NETO1: variants seen among roughly 807,000 people sequenced by gnomAD.
NETO1 encodes the protein neuropilin and tolloid like 1.
In NETO1, 26 loss-of-function variants were observed where a neutral mutation model predicts 61.3. The ratio of observed to expected loss-of-function variants is 0.42; its 90% CI spans 0.31 to 0.59. The LOEUF (loss-of-function observed/expected upper bound fraction) is 0.59, where lower values mean the gene tolerates loss of function less well. Among genes scored for constraint, NETO1 ranks in the 20% least tolerant of loss-of-function variants. The pLI, the probability that NETO1 is intolerant of heterozygous loss-of-function variation, is 0.12. For synonymous variants in NETO1, 225 were observed against 225.8 expected (o/e 1.00, Z 0.03); for missense variants, 531 against 662.8 (o/e 0.80, Z 2.18).
chr18:72,756,003 T>C, intron 8 of NETO1, 31 bp downstream of exon 8: 1 of 1,260,094 alleles, frequency 7.9e-7, no homozygotes, highest in East Asian at 2.3e-5. Flanking sequence ...AGGGAGGAAA[T>C]TTTTTTCAAA....
In NETO1 at chr18:72,745,570, T is replaced by C. The variant is rs1014301876; in HGVS notation, c.*2609A>G. 2 of 152,242 alleles carry C rather than the reference T, an allele frequency of 1.3e-5. No homozygotes were observed. Among genetic ancestry groups the C allele is most frequent in the South Asian group, 4.1e-4 (2 of 4,834 alleles). The allele number at this position is 152,242 out of a possible 1,614,324, so 9.4% of individuals were successfully genotyped here. On this transcript the variant is annotated 3_prime_UTR_variant, in exon 11 of 11. Coordinates refer to ENST00000327305, the MANE Select transcript of NETO1 (RefSeq NM_138966.5). ...TCATTTATTAAAATAACATGTCTTA[T>C]AAGTCTTGAGACATCTCATTCCTTA...
At chr18:72,813,119 G>A (rs1029254423) in intron 4 of NETO1, among the ~76,000 whole-genome samples, 8 of 152,148 alleles carry the variant, frequency 5.3e-5, no homozygotes, top group African/African-American at 1.7e-4. Flanking sequence ...CTCTACTGAA[G>A]GGGCTGTGGA....
intron 7 of NETO1, among the ~76,000 whole-genome samples, chr18:72,763,112 C>T (rs2000727): frequency 2.8e-4 from 42 of 151,318 alleles, no homozygotes; most frequent in South Asian, 8.3e-4. Context: ...GAATCCACTA[C>T]GCTTATTCTA....
chr18:72,821,251 A>AAAAAAAAAAAAAAAAAAAAAG (rs2073186851), intron 4 of NETO1, among the ~76,000 whole-genome samples: 1 of 150,806 alleles, frequency 6.6e-6, no homozygotes, highest in Non-Finnish European at 1.5e-5. Flanking sequence ...AAAAAAAAAA[A>AAAAAAAAAAAAAAAAAAAAAG]AAAAAATGGG....
rs1599168271 is a variant in NETO1, at chr18:72,783,691, T to C, written c.855A>G (p.Thr285=). The change falls in exon 7 of 11, where the codon ACA becomes ACG. Residue 285 remains threonine, a synonymous_variant. Coordinates refer to ENST00000327305, the MANE Select transcript of NETO1 (RefSeq NM_138966.5). ...SRNSRFQMLF[T]SFQEPPCEGN... ...AGAGAATCTTACGTTCTTGAAAGGA[T>C]GTGAAGAGCATCTGAAATCGGCTGT... The C allele has an allele frequency of 1.9e-6, 3 of 1,614,008 alleles. No individual in the cohort carries two copies. The highest frequency in any genetic ancestry group is 2.2e-5 in the East Asian group (1 of 44,894).
At chr18:72,837,886 C>A (rs1485434170) in intron 4 of NETO1, among the ~76,000 whole-genome samples, 2 of 151,782 alleles carry the variant, frequency 1.3e-5, no homozygotes, top group Non-Finnish European at 2.9e-5. Flanking sequence ...ATTCTCCCTC[C>A]CCATCACCAT....
intron 7 of NETO1, among the ~76,000 whole-genome samples, chr18:72,763,987 G>A (rs2071068412): frequency 6.6e-6 from 1 of 152,058 alleles, no homozygotes; most frequent in Non-Finnish European, 1.5e-5. Context: ...ATCAGCGAAG[G>A]GGGAAACCCC....
chr18:72,797,187 C>T (rs577587179), intron 4 of NETO1, among the ~76,000 whole-genome samples: 1 of 152,104 alleles, frequency 6.6e-6, no homozygotes, highest in East Asian at 1.9e-4. Context: ...GCCTTATGTG[C>T]CTGTTTCTAC....
chr18:72,805,380 C>T (rs940050686), intron 4 of NETO1, among the ~76,000 whole-genome samples: 3 of 152,108 alleles, frequency 2.0e-5, no homozygotes, highest in Admixed American at 6.5e-5. Flanking sequence ...AATATATCTA[C>T]GTGACTAAAA....
chr18:72,778,227 T>C (rs549980746), intron 7 of NETO1, among the ~76,000 whole-genome samples: 1 of 152,320 alleles, frequency 6.6e-6, no homozygotes, highest in Admixed American at 6.5e-5. Context: ...ATACCTTCAG[T>C]GTCATCCTTC....
intron 4 of NETO1, among the ~76,000 whole-genome samples, chr18:72,832,469 C>T (rs901592352): frequency 1.3e-5 from 2 of 152,146 alleles, no homozygotes; most frequent in Admixed American, 6.5e-5. Flanking sequence ...TCAGGAAAAA[C>T]CACTTCTAAA....
chr18:72,764,555 C>G (rs147460592), intron 7 of NETO1, among the ~76,000 whole-genome samples: 1 of 152,068 alleles, frequency 6.6e-6, no homozygotes, highest in African/African-American at 2.4e-5. Flanking sequence ...TCCTCTCTCT[C>G]GGCAATTTTC....
chr18:72,752,041 T>G (rs1463523598), intron 8 of NETO1: 1 of 152,050 alleles, frequency 6.6e-6, no homozygotes, highest in Admixed American at 6.6e-5. Context: ...GAATACCGAG[T>G]GCTGTATGCA....
intron 7 of NETO1, among the ~76,000 whole-genome samples, chr18:72,781,630 G>A (rs2071743325): frequency 6.6e-6 from 1 of 152,088 alleles, no homozygotes; most frequent in African/African-American, 2.4e-5. Flanking sequence ...CCCCAACTGG[G>A]TAATTAAAAG....
At chr18:72,809,923 G>A (rs2072808141) in intron 4 of NETO1, among the ~76,000 whole-genome samples, 1 of 152,164 alleles carries the variant, frequency 6.6e-6, no homozygotes, top group African/African-American at 2.4e-5. Flanking sequence ...TCATATGCTA[G>A]GTGCGCAAGT....
chr18:72,833,372 G>C (rs1469303426), intron 4 of NETO1, among the ~76,000 whole-genome samples: 2 of 152,080 alleles, frequency 1.3e-5, no homozygotes, highest in African/African-American at 4.8e-5. Context: ...TTATTTTGCT[G>C]TATTCTCTGA....
chr18:72,772,132 T>C (rs1026538912), intron 7 of NETO1, among the ~76,000 whole-genome samples: 5 of 152,052 alleles, frequency 3.3e-5, no homozygotes, highest in South Asian at 2.1e-4. Context: ...CTTCTAAAGA[T>C]TGCTCAAAAT....
chr18:72,856,847 A>G (rs4356561), intron 4 of NETO1, among the ~76,000 whole-genome samples: 1 of 152,186 alleles, frequency 6.6e-6, no homozygotes, highest in Non-Finnish European at 1.5e-5. Flanking sequence ...TCCTCCTTCA[A>G]TTTCCCCAGG....
At chr18:72,751,828 T>C (rs899759236) in intron 8 of NETO1, 1 of 152,274 alleles carries the variant, frequency 6.6e-6, no homozygotes, top group Non-Finnish European at 1.5e-5. Context: ...GAAAGCATTA[T>C]AGCTTCCCCT....
Sources: allele counts gnomAD v4.1 joint callset (sites outside exome capture counted in the v4.1 genomes callset), GRCh38; gene constraint gnomAD v4.1.1; transcripts MANE v1.5; gene names NCBI Gene and HGNC (gene_info 2026-07-23, HGNC 2026-07-21).